Variants in LMO7 observed in about 807,000 individuals in gnomAD.
LMO7 encodes LIM domain only protein 7.
LMO7 carries 120 observed loss-of-function variants against 206.5 expected under a neutral mutation model. The ratio of observed to expected loss-of-function variants is 0.58; its 90% CI spans 0.50 to 0.68. LMO7 has a LOEUF of 0.68. Ranked by LOEUF, LMO7 falls within the 30% of genes least tolerant of loss-of-function variation. LMO7 has a pLI of 0.00. For missense variants in LMO7, 1,959 were observed against 1,957.9 expected (o/e 1.00, Z -0.01); for synonymous variants, 706 against 681.5 (o/e 1.04, Z -0.56).
At chr13:75,663,432 C>CTTTCTTTTTTTTTTTTTT (rs1555289857) in intron 1 of LMO7, among the ~76,000 whole-genome samples, 1 of 111,406 alleles carries the variant, frequency 9.0e-6, no homozygotes, top group African/African-American at 3.8e-5. Context: ...TTCTTTCTTT[C>CTTTCTTTTTTTTTTTTTT]TTTTTTTTTT....
At chr13:75,815,625 T>G (rs1193810081) in intron 11 of LMO7, among the ~76,000 whole-genome samples, 1 of 152,226 alleles carries the variant, frequency 6.6e-6, no homozygotes, top group Non-Finnish European at 1.5e-5. Flanking sequence ...TTATGTATAC[T>G]GGTAAAGGGC....
intron 4 of LMO7, among the ~76,000 whole-genome samples, chr13:75,789,899 G>A (rs1026717317): frequency 2.6e-5 from 4 of 152,142 alleles, no homozygotes; most frequent in African/African-American, 7.2e-5. Context: ...GATTTTGGCT[G>A]TGTAGGCACA....
At chr13:75,849,803 A>G (rs2060337006) in intron 27 of LMO7, among the ~76,000 whole-genome samples, 1 of 152,240 alleles carries the variant, frequency 6.6e-6, no homozygotes, top group Admixed American at 6.5e-5. Flanking sequence ...AAATGAGTGC[A>G]GGAACATTTT....
At chr13:75,634,089 T>C (rs866424811), upstream of LMO7, among the ~76,000 whole-genome samples, 25 of 149,116 alleles carry the variant, frequency 1.7e-4, no homozygotes, top group African/African-American at 5.9e-4. Flanking sequence ...TCCACCCGCC[T>C]CTGCCTCCCA....
At chr13:75,745,051 A>T (rs1310703224) in intron 3 of LMO7, among the ~76,000 whole-genome samples, 1 of 152,180 alleles carries the variant, frequency 6.6e-6, no homozygotes, top group Non-Finnish European at 1.5e-5. Flanking sequence ...AGAATGATTG[A>T]GTGTGTGTAT....
upstream of LMO7, chr13:75,636,216 C>T (rs1403049711): frequency 2.1e-5 from 18 of 848,408 alleles, no homozygotes; most frequent in South Asian, 7.8e-4. Context: ...CCCGGGGAGC[C>T]AAGGGAGGGG....
intron 3 of LMO7, among the ~76,000 whole-genome samples, chr13:75,754,976 A>T (rs2047561279): frequency 6.6e-6 from 1 of 152,198 alleles, no homozygotes. Flanking sequence ...TATTGGGTGG[A>T]GGTGGAATGT....
At chr13:75,686,622 G>A (rs969332338) in intron 1 of LMO7, among the ~76,000 whole-genome samples, 4 of 150,882 alleles carry the variant, frequency 2.7e-5, no homozygotes, top group Admixed American at 6.6e-5. Context: ...CTAGTGGAAT[G>A]TGTACAGAAG....
chr13:75,831,958 G>A (rs886532213), intron 15 of LMO7, among the ~76,000 whole-genome samples: 2 of 152,108 alleles, frequency 1.3e-5, no homozygotes, highest in African/African-American at 4.8e-5. Context: ...AAAAACTTAG[G>A]CAGAAAGCTT....
intron 1 of LMO7, among the ~76,000 whole-genome samples, chr13:75,687,405 A>C (rs1219793752): frequency 6.6e-6 from 1 of 152,194 alleles, no homozygotes; most frequent in Non-Finnish European, 1.5e-5. Flanking sequence ...CTTGAACTTC[A>C]TACTTTACCA....
chr13:75,754,344 T>A (rs2047504681), intron 3 of LMO7, among the ~76,000 whole-genome samples: 1 of 152,242 alleles, frequency 6.6e-6, no homozygotes, highest in Non-Finnish European at 1.5e-5. Context: ...ACTTCATTCC[T>A]TTTTATGGCT....
At chr13:75,755,658 C>G (rs545412074) in intron 3 of LMO7, among the ~76,000 whole-genome samples, 1 of 152,294 alleles carries the variant, frequency 6.6e-6, no homozygotes, top group African/African-American at 2.4e-5. Context: ...GCATCTGAAA[C>G]TCAACATTTC....
chr13:75,730,478 C>T (rs2045047597), intron 3 of LMO7, among the ~76,000 whole-genome samples: 2 of 151,950 alleles, frequency 1.3e-5, no homozygotes, highest in South Asian at 4.1e-4. Context: ...GGTGATATCC[C>T]CTTTATCATT....
intron 1 of LMO7, among the ~76,000 whole-genome samples, chr13:75,676,290 TAATC>T (rs1218681413): frequency 1.3e-5 from 2 of 152,224 alleles, no homozygotes; most frequent in Non-Finnish European, 2.9e-5. Context: ...TTGTCTGACT[TAATC>T]AATTAACAGT....
intron 1 of LMO7, among the ~76,000 whole-genome samples, chr13:75,658,165 C>T (rs925213363): frequency 3.9e-4 from 60 of 152,118 alleles, no homozygotes; most frequent in African/African-American, 1.3e-3. Flanking sequence ...TATACACACT[C>T]ATCTCTTTTT....
chr13:75,833,262 G>A (rs1163275396), intron 16 of LMO7, 97 bp downstream of exon 16: 1 of 735,314 alleles, frequency 1.4e-6, no homozygotes, highest in African/African-American at 1.8e-5. Flanking sequence ...TGATATAGGA[G>A]GAGAAAACGT....
intron 1 of LMO7, among the ~76,000 whole-genome samples, chr13:75,638,385 A>G (rs2036185161): frequency 6.6e-6 from 1 of 152,044 alleles, no homozygotes; most frequent in Non-Finnish European, 1.5e-5. Flanking sequence ...GGGAAAGTGT[A>G]TTGTGATAAA....
chr13:75,830,341 C>A (rs2025341), intron 15 of LMO7, among the ~76,000 whole-genome samples: 40,819 of 152,102 alleles, frequency 0.27, 6,503 homozygotes, highest in South Asian at 0.37. Context: ...CCACAACCAC[C>A]CACTTTAATC....
intron 1 of LMO7, among the ~76,000 whole-genome samples, chr13:75,646,634 A>G (rs2037044965): frequency 6.6e-6 from 1 of 150,692 alleles, no homozygotes; most frequent in African/African-American, 2.4e-5. Context: ...CCCAAGGTGG[A>G]GTGCAATGGC....
Sources: gnomAD v4.1 joint callset for allele counts (sites outside exome capture counted in the v4.1 genomes callset) on GRCh38, gnomAD v4.1.1 for gene constraint, MANE v1.5 for transcripts, NCBI Gene and HGNC (gene_info 2026-07-23, HGNC 2026-07-21) for gene names.